Variants in SLC35E2B observed in about 807,000 individuals in gnomAD.
SLC35E2B encodes the protein solute carrier family 35 member E2B, also known as solute carrier family 35, member E2B.
In SLC35E2B, 18 loss-of-function variants were observed where a neutral mutation model predicts 32.4. The ratio of observed to expected loss-of-function variants is 0.56; its 90% CI spans 0.38 to 0.82. SLC35E2B has a LOEUF of 0.82. Ranked by LOEUF, SLC35E2B falls within the 40% of genes least tolerant of loss-of-function variation. The pLI is 0.00. For synonymous variants in SLC35E2B, 132 were observed against 209.1 expected, an observed-to-expected ratio of 0.63 and a Z score of 3.18; for missense variants, 263 against 469.5, an observed-to-expected ratio of 0.56 and a Z score of 4.06.
At chr1:1,668,564 A>G (rs1643602978) in intron 8 of SLC35E2B, 92 bp from the exon 9 acceptor site, 1 of 1,609,118 alleles carries the variant, frequency 6.2e-7, no homozygotes, top group African/African-American at 1.3e-5. Flanking sequence ...CTGCCCAGAA[A>G]CTGGGTAAAG....
chr1:1,675,505 A>G lies in SLC35E2B; in HGVS notation c.544T>C (p.Phe182Leu). Residue 182 changes from phenylalanine to leucine, a missense_variant, in exon 5 of 10, where the codon TTC (phenylalanine) becomes CTC (leucine). By Grantham distance (22) the Phe-to-Leu change is conservative (BLOSUM62 0). Around this residue, in one of 7 missense-constraint regions of SLC35E2B, gnomAD observed 129 missense variants for 164.5 expected, o/e 0.78. Coordinates refer to ENST00000617444, the MANE Select transcript of SLC35E2B (RefSeq NM_001290264.2). Reference protein sequence around the residue: ...AETVKSSAPIFTVIMSRMILG... With the variant: ...AETVKSSAPILTVIMSRMILG... ...ATCATCCGAGACATGATCACCGTGA[A>G]GATGGGGGCGGAGCTCTTCACCGTC... 7 of 1,592,280 alleles carry G rather than the reference A, an allele frequency of 4.4e-6. No homozygotes were observed. The highest frequency in any genetic ancestry group is 5.1e-6 in the Non-Finnish European group (6 of 1,168,858).
chr1:1,666,288 T>C (rs1478756873), intron 9 of SLC35E2B, among the ~76,000 whole-genome samples: 7 of 152,186 alleles, frequency 4.6e-5, no homozygotes, highest in Non-Finnish European at 1.0e-4. Context: ...CCTCGTCCCT[T>C]CTTTTTTGAG....
chr1:1,669,363 TAAAA>T (rs920035323), intron 8 of SLC35E2B, among the ~76,000 whole-genome samples: 1 of 138,832 alleles, frequency 7.2e-6, no homozygotes, highest in African/African-American at 2.7e-5. Flanking sequence ...TTTATAAAAA[TAAAA>T]AAAAAAAGTT....
intron 2 of SLC35E2B, among the ~76,000 whole-genome samples, chr1:1,684,059 A>G (rs1222973481): frequency 6.6e-6 from 1 of 151,978 alleles, no homozygotes; most frequent in African/African-American, 2.4e-5. Context: ...CTTGCTGTCC[A>G]CTCACGTCTG....
In SLC35E2B at chr1:1,667,856, GT is replaced by G. The variant is rs111818712; in HGVS notation, c.980+470del. Among the ~76,000 whole-genome samples, 1,321 of 144,270 alleles carry G rather than the reference GT, an allele frequency of 9.2e-3. 18 individuals are homozygous for G. The highest frequency in any genetic ancestry group is 0.03 in the African/African-American group (1,186 of 39,570). The allele number at this position is 144,270 out of a possible 152,430, so 94.6% of individuals were successfully genotyped here. ...TTTACAGTTTCTCATTTGTTTTTCT[GT>G]TTTTTTTTTTTTGAGAAGGACTCTC... On this transcript the variant is annotated intron_variant, in intron 9 of 9. Transcript: ENST00000617444.
At chr1:1,671,258 T>G in intron 6 of SLC35E2B, 6 of 328,676 alleles carry the variant, frequency 1.8e-5, no homozygotes, top group African/African-American at 2.1e-5. Context: ...TATTTCAGCA[T>G]TTGTCAGCTA....
intron 2 of SLC35E2B, among the ~76,000 whole-genome samples, chr1:1,680,132 A>G (rs1204607354): frequency 6.6e-6 from 1 of 151,840 alleles, no homozygotes; most frequent in Non-Finnish European, 1.5e-5. Flanking sequence ...CGTCTCAAAA[A>G]AAAAAAATTT....
intron 6 of SLC35E2B, 92 bp from the exon 7 acceptor site, chr1:1,670,243 C>T (rs1364509898): frequency 1.1e-5 from 10 of 915,950 alleles, no homozygotes; most frequent in East Asian, 2.6e-5. Context: ...GGAGCGATGG[C>T]GACAATGACC....
chr1:1,685,379 C>T (rs1187774560), intron 2 of SLC35E2B, among the ~76,000 whole-genome samples: 1 of 143,902 alleles, frequency 6.9e-6, no homozygotes, highest in East Asian at 2.1e-4. Flanking sequence ...CACCACTGCA[C>T]TCCAGCCTGG....
At position 1,665,554 on chromosome 1, in the gene SLC35E2B, G is replaced by T; in HGVS notation, c.*228C>A. The T allele has an allele frequency of 1.5e-6, 1 of 667,188 alleles. No homozygotes were observed. Among genetic ancestry groups the T allele is most frequent in the Non-Finnish European group, 2.5e-6 (1 of 402,440 alleles). The allele number at this position is 667,188 out of a possible 1,614,324, so 41.3% of individuals were successfully genotyped here. A position where few individuals can be genotyped will look rare whatever the true frequency, so the allele number is the denominator to read the frequency against. On this transcript the variant is annotated 3_prime_UTR_variant, in exon 10 of 10. Transcript: ENST00000617444. ...TTCACATTACACGGGGATGGGCTCG[G>T]CGGACACAGTCAGCTACTGGTCTGG...
Position 1,661,669 on chromosome 1 carries a change from TTATA to T in SLC35E2B, c.*4109_*4112del, listed in dbSNP as rs1360099937. ...CGTTTGCTAGAAAGCACTAATCTAG[TTATA>T]TAAATACTGAAATAGGTCACATGCA... On this transcript the variant is annotated 3_prime_UTR_variant, in exon 10 of 10. Transcript: ENST00000617444. The T allele has an allele frequency of 3.9e-6, 1 of 259,036 alleles. No homozygotes were observed. The highest frequency in any genetic ancestry group is 2.4e-5 in the African/African-American group (1 of 42,196). The allele number at this position is 259,036 out of a possible 1,614,324, so 16.0% of individuals were successfully genotyped here.
intron 2 of SLC35E2B, among the ~76,000 whole-genome samples, chr1:1,678,942 G>C (rs982689859): frequency 4.6e-5 from 7 of 152,126 alleles, no homozygotes; most frequent in Admixed American, 6.5e-5. Flanking sequence ...CAAAGGGTGC[G>C]GCAGAGCAAA....
Position 1,664,350 on chromosome 1 carries a change from A to C in SLC35E2B, c.*1432T>G. ...TTTTGTATTTCCCAGGTGAGAAGCC[A>C]AATGGAAAGCCAGTGAAGTGACCAT... On this transcript the variant is annotated 3_prime_UTR_variant, in exon 10 of 10. Transcript: ENST00000617444. The C allele has an allele frequency of 2.1e-6, 2 of 950,564 alleles. No individual in the cohort carries two copies. Among genetic ancestry groups the C allele is most frequent in the Non-Finnish European group, 2.5e-6 (2 of 798,920 alleles). 58.9% of individuals were successfully genotyped at this position (950,564 alleles called of 1,614,324 possible).
intron 2 of SLC35E2B, among the ~76,000 whole-genome samples, chr1:1,679,513 C>T (rs1643881282): frequency 6.6e-6 from 1 of 152,086 alleles, no homozygotes; most frequent in Non-Finnish European, 1.5e-5. Flanking sequence ...CTGACGCTGC[C>T]GTTCTCTGTA....
At chr1:1,666,391 C>T (rs923345584) in intron 9 of SLC35E2B, among the ~76,000 whole-genome samples, 1 of 152,190 alleles carries the variant, frequency 6.6e-6, no homozygotes, top group African/African-American at 2.4e-5. Context: ...TGACATCCGC[C>T]TCATCAGCTT....
intron 2 of SLC35E2B, among the ~76,000 whole-genome samples, chr1:1,678,907 C>G (rs1181459518): frequency 6.6e-6 from 1 of 152,126 alleles, no homozygotes; most frequent in Non-Finnish European, 1.5e-5. Context: ...AGCTACCTGG[C>G]TTTCCTGAGG....
intron 2 of SLC35E2B, among the ~76,000 whole-genome samples, chr1:1,682,007 A>C: frequency 3.7e-5 from 1 of 27,304 alleles, no homozygotes; most frequent in Non-Finnish European, 6.5e-5. Context: ...AAAAAAAAAA[A>C]AAAAAAAAAA....
At position 1,668,482 on chromosome 1, in the gene SLC35E2B, A is replaced by G. The variant is rs1004428146; in HGVS notation, c.835-10T>C. ...CGATCACTGGGACGTCCTATGTGGC[A>G]AACAAAAGGGTACTCTATCGGTTTC... On this transcript the variant is annotated splice_polypyrimidine_tract_variant and intron_variant, in intron 8 of 9. Coordinates refer to ENST00000617444, the MANE Select transcript of SLC35E2B (RefSeq NM_001290264.2). 3 of 1,613,882 alleles carry G rather than the reference A, an allele frequency of 1.9e-6. No homozygotes were observed. In the African/African-American group the frequency reaches 4.0e-5, roughly 22 times the overall value.
chr1:1,675,564 A>G lies in SLC35E2B; in HGVS notation c.485T>C (p.Val162Ala). Residue 162 changes from valine (V) to alanine (A), a missense_variant, in exon 5 of 10, where the codon GTC (valine) becomes GCC (alanine). Physicochemically the swap from Val to Ala is moderately conservative, Grantham distance 64. This residue lies in a region of SLC35E2B where 129 missense variants were observed against 164.5 expected (regional missense o/e 0.78). Transcript: ENST00000617444. ...MRFATVVLGL[V>A]SLKNVAVSFA... ...CGAAACCGCCACATTTTTCAGGCTG[A>G]CCAAACCCAAAACCACAGTTGCAAA... 6.3e-7 allele frequency: 1 copy of G among 1,581,966 alleles called. No homozygotes were observed. The highest frequency in any genetic ancestry group is 8.6e-7 in the Non-Finnish European group (1 of 1,165,972).
Sources: allele counts gnomAD v4.1 joint callset (sites outside exome capture counted in the v4.1 genomes callset), GRCh38; gene constraint gnomAD v4.1.1; regional missense constraint gnomAD v4.1.1; transcripts MANE v1.5; gene names NCBI Gene and HGNC (gene_info 2026-07-23, HGNC 2026-07-21).